Variants in CDKAL1 observed in about 807,000 individuals in gnomAD.
CDKAL1 encodes the protein threonylcarbamoyladenosine tRNA methylthiotransferase.
In CDKAL1, 32 loss-of-function variants were observed where a neutral mutation model predicts 68.2. The ratio of observed to expected loss-of-function variants is 0.47; its 90% CI spans 0.35 to 0.63. CDKAL1 has a LOEUF of 0.63. Ranked by LOEUF, CDKAL1 falls within the 30% of genes least tolerant of loss-of-function variation. The pLI is 0.00. For synonymous variants in CDKAL1, 234 were observed against 244.3 expected, an observed-to-expected ratio of 0.96 and a Z score of 0.39; for missense variants, 606 against 696.7, an observed-to-expected ratio of 0.87 and a Z score of 1.47.
At chr6:20,646,888 T>C (rs1768491527) in intron 4 of CDKAL1, among the ~76,000 whole-genome samples, 1 of 151,964 alleles carries the variant, frequency 6.6e-6, no homozygotes, top group Admixed American at 6.6e-5. Context: ...GGATTACAGG[T>C]GCCCGCCCCC....
At chr6:20,641,735 C>T (rs1768184516) in intron 4 of CDKAL1, among the ~76,000 whole-genome samples, 1 of 152,128 alleles carries the variant, frequency 6.6e-6, no homozygotes, top group African/African-American at 2.4e-5. Flanking sequence ...TTTATTTAAC[C>T]AGTGTCGTTA....
At chr6:21,054,900 CA>C (rs201866833) in intron 11 of CDKAL1, among the ~76,000 whole-genome samples, 27,911 of 143,594 alleles carry the variant, frequency 0.19, 2,623 homozygotes, top group Middle Eastern at 0.25. Context: ...GTCACCTGCC[CA>C]AAAAAAAAAA....
intron 8 of CDKAL1, among the ~76,000 whole-genome samples, chr6:20,837,298 T>C (rs933824203): frequency 6.6e-6 from 1 of 152,182 alleles, no homozygotes; most frequent in Non-Finnish European, 1.5e-5. Context: ...TATAAGATTT[T>C]TTTTTTCTTT....
At chr6:20,548,048 A>G (rs1022669058) in intron 3 of CDKAL1, among the ~76,000 whole-genome samples, 1 of 152,194 alleles carries the variant, frequency 6.6e-6, no homozygotes, top group Non-Finnish European at 1.5e-5. Context: ...GAGAAAAAGG[A>G]TATTTTTTTA....
chr6:21,002,084 C>T (rs189851510), intron 11 of CDKAL1, among the ~76,000 whole-genome samples: 7 of 152,246 alleles, frequency 4.6e-5, no homozygotes, highest in African/African-American at 7.2e-5. Flanking sequence ...TCACAAGTTA[C>T]GTTGTTCTGG....
chr6:20,848,712 CT>C (rs1758834364), intron 9 of CDKAL1, among the ~76,000 whole-genome samples: 2 of 151,618 alleles, frequency 1.3e-5, no homozygotes, highest in South Asian at 4.1e-4. Context: ...AAACTAAATG[CT>C]AGTTTTTGGA....
chr6:21,189,771 G>T (rs1255632906), intron 13 of CDKAL1, among the ~76,000 whole-genome samples: 1 of 152,142 alleles, frequency 6.6e-6, no homozygotes, highest in Admixed American at 6.5e-5. Flanking sequence ...TATTATTACT[G>T]TTGACCGTTT....
intron 11 of CDKAL1, among the ~76,000 whole-genome samples, chr6:21,024,157 G>A (rs1768831448): frequency 6.6e-6 from 1 of 152,174 alleles, no homozygotes; most frequent in African/African-American, 2.4e-5. Flanking sequence ...ACTATTATGA[G>A]ATGAGGGTTC....
rs1773360610 is a variant in CDKAL1, at chr6:20,739,674, TC to T, written c.468+61del. 4.4e-6 allele frequency: 4 copies of T among 903,118 alleles called. No homozygotes were observed. In the South Asian group the frequency reaches 4.6e-5, roughly 10 times the overall value. The allele number at this position is 903,118 out of a possible 1,614,324, so 55.9% of individuals were successfully genotyped here. ...TTACATTGTTAACACCTGTAATAGCTCCGCATTTTATTTTCTGTTTGTAGGT... is the reference window on the plus strand; with the variant it reads ...TTACATTGTTAACACCTGTAATAGCTCGCATTTTATTTTCTGTTTGTAGGT... On this transcript the variant is annotated intron_variant, in intron 6 of 15. Coordinates refer to ENST00000274695, the MANE Select transcript of CDKAL1 (RefSeq NM_017774.3).
At chr6:21,223,782 G>A (rs993738105) in intron 15 of CDKAL1, among the ~76,000 whole-genome samples, 2 of 152,174 alleles carry the variant, frequency 1.3e-5, no homozygotes, top group African/African-American at 4.8e-5. Flanking sequence ...AGACCTGTGA[G>A]GAGGACACAT....
chr6:20,858,324 C>CTT (rs34865786), intron 9 of CDKAL1, among the ~76,000 whole-genome samples: 1 of 149,724 alleles, frequency 6.7e-6, no homozygotes. Flanking sequence ...TCTGTATTGA[C>CTT]TTTTTTTTTT....
At chr6:20,755,465 AC>A (rs1435393979) in intron 6 of CDKAL1, among the ~76,000 whole-genome samples, 1 of 149,934 alleles carries the variant, frequency 6.7e-6, no homozygotes, top group Non-Finnish European at 1.5e-5. Context: ...TCTTTCTCCA[AC>A]CCCCAGCCAC....
At chr6:21,067,528 C>A (rs546909778) in intron 12 of CDKAL1, among the ~76,000 whole-genome samples, 5 of 152,074 alleles carry the variant, frequency 3.3e-5, no homozygotes, top group Admixed American at 2.6e-4. Flanking sequence ...AGAAGAATGG[C>A]GTGAACCTGG....
intron 5 of CDKAL1, among the ~76,000 whole-genome samples, chr6:20,713,162 TA>T (rs1771928265): frequency 6.6e-6 from 1 of 152,220 alleles, no homozygotes; most frequent in South Asian, 2.1e-4. Flanking sequence ...CCTCTGATGT[TA>T]ATGCAAAGCA....
chr6:20,751,803 A>G (rs1263107242), intron 6 of CDKAL1, among the ~76,000 whole-genome samples: 1 of 152,114 alleles, frequency 6.6e-6, no homozygotes, highest in South Asian at 2.1e-4. Context: ...TTTTGTGTGT[A>G]TTTATAACTA....
chr6:20,819,123 C>T (rs538351861), intron 8 of CDKAL1, among the ~76,000 whole-genome samples: 32 of 152,126 alleles, frequency 2.1e-4, no homozygotes, highest in African/African-American at 7.5e-4. Context: ...TGGTTTTTTT[C>T]CCCTTCCACA....
chr6:20,940,298 TA>T (rs1463101032), intron 9 of CDKAL1, among the ~76,000 whole-genome samples: 1 of 152,204 alleles, frequency 6.6e-6, no homozygotes, highest in East Asian at 1.9e-4. Flanking sequence ...TTCTGTTGAT[TA>T]ATTAGGAGAA....
At chr6:20,633,851 C>T (rs775811246) in intron 4 of CDKAL1, among the ~76,000 whole-genome samples, 1 of 152,086 alleles carries the variant, frequency 6.6e-6, no homozygotes, top group Non-Finnish European at 1.5e-5. Context: ...AGATCTCTTG[C>T]CCATTTTTAA....
intron 4 of CDKAL1, among the ~76,000 whole-genome samples, chr6:20,592,649 T>C (rs1173718334): frequency 6.6e-6 from 1 of 151,992 alleles, no homozygotes; most frequent in Non-Finnish European, 1.5e-5. Flanking sequence ...TTTGTATCCT[T>C]AGTAGAGATG....
Sources: gnomAD v4.1 joint callset for allele counts (sites outside exome capture counted in the v4.1 genomes callset) on GRCh38, gnomAD v4.1.1 for gene constraint, MANE v1.5 for transcripts, NCBI Gene and HGNC (gene_info 2026-07-23, HGNC 2026-07-21) for gene names.